Variants in PDE6A observed in about 807,000 individuals in gnomAD.
PDE6A encodes the protein rod cGMP-specific 3',5'-cyclic phosphodiesterase subunit alpha.
PDE6A carries 84 observed loss-of-function variants against 106.3 expected under a neutral mutation model. The observed-to-expected ratio is 0.79, with a 90% confidence interval of 0.66 to 0.95. The LOEUF is 0.95. PDE6A is among the 40% of genes least tolerant of loss of function. The pLI is 0.00. For synonymous variants in PDE6A, 394 were observed against 386.6 expected (o/e 1.02, Z -0.23); for missense variants, 1,052 against 1,084.9 (o/e 0.97, Z 0.43).
intron 17 of PDE6A, among the ~76,000 whole-genome samples, chr5:149,870,227 C>T (rs572123928): frequency 6.6e-6 from 1 of 152,226 alleles, no homozygotes; most frequent in South Asian, 2.1e-4. Flanking sequence ...AGTTTGAGGC[C>T]ACAGTGAGCT....
chr5:149,933,956 G>A lies in PDE6A; in HGVS notation c.691C>T (p.His231Tyr). ...IMKVYHLSYL[H>Y]NCETRRGQIL... Reference sequence around the variant, plus strand: ...TGGCCACGTCGAGTTTCACAGTTGTGCAGGTAACTCAGGTGGTACACCTTC... The same window carrying A: ...TGGCCACGTCGAGTTTCACAGTTGTACAGGTAACTCAGGTGGTACACCTTC... Residue 231 changes from histidine (H) to tyrosine (Y), a missense_variant, in exon 3 of 22, where the codon CAC (histidine) becomes TAC (tyrosine). This residue lies in a region of PDE6A where 913 missense variants were observed against 915.2 expected (regional missense o/e 1.00). Transcript: ENST00000255266. 1 of 1,613,700 alleles carries A rather than the reference G, an allele frequency of 6.2e-7. No homozygotes were observed. Among genetic ancestry groups the A allele is most frequent in the Non-Finnish European group, 8.5e-7 (1 of 1,179,622 alleles).
At position 149,895,276 on chromosome 5, in the gene PDE6A, G is replaced by A. The variant is rs2113582916; in HGVS notation, c.1635C>T (p.Phe545=). The A allele has an allele frequency of 1.9e-6, 3 of 1,612,802 alleles. No individual in the cohort carries two copies. Among genetic ancestry groups the A allele is most frequent in the Non-Finnish European group, 2.5e-6 (3 of 1,178,810 alleles). The change falls in exon 13 of 22, where the codon TTC becomes TTT. Residue 545 remains phenylalanine, a synonymous_variant. Transcript: ENST00000255266. ...FHIPQEALVR[F]MYSLSKGYRK... The stretch of plus-strand genomic sequence containing the variant: ...GGTAGCCCTTACTCAGGGAGTACAT[G>A]AACCGCACCAGGGCCTGTGAACACA...
intron 13 of PDE6A, 134 bp from the exon 14 acceptor site, chr5:149,886,508 G>A: frequency 1.4e-6 from 1 of 723,820 alleles, no homozygotes; most frequent in Admixed American, 2.0e-5. Context: ...CCTGGCTCCA[G>A]AGGCTGACCA....
chr5:149,860,974 G>A lies in PDE6A; in HGVS notation c.2507-3C>T. ...CCCCGGCTGATTTCCTGCGGCTGCTGCAATGAAACAGGAAAAAGAACACAC... is the reference window on the plus strand; with the variant it reads ...CCCCGGCTGATTTCCTGCGGCTGCTACAATGAAACAGGAAAAAGAACACAC... On this transcript the variant is annotated splice_region_variant and splice_polypyrimidine_tract_variant and intron_variant, in intron 21 of 21. Coordinates refer to ENST00000255266, the MANE Select transcript of PDE6A (RefSeq NM_000440.3). 6.2e-7 allele frequency: 1 copy of A among 1,613,772 alleles called. No individual in the cohort carries two copies. The highest frequency in any genetic ancestry group is 8.5e-7 in the Non-Finnish European group (1 of 1,179,792).
Position 149,944,400 on chromosome 5 carries a change from C to T in PDE6A, c.274G>A (p.Asp92Asn), listed in dbSNP as rs199924410. The change falls in exon 1 of 22, where the codon GAC becomes AAC. Residue 92 changes from aspartate (D) to asparagine (N), a missense_variant. This residue lies in a region of PDE6A where 913 missense variants were observed against 915.2 expected (regional missense o/e 1.00). Coordinates refer to ENST00000255266, the MANE Select transcript of PDE6A (RefSeq NM_000440.3). Reference protein sequence around the residue: ...MKKLCFLLQADRMSLFMYRTR... With the variant: ...MKKLCFLLQANRMSLFMYRTR... ...CGGTACATGAACAGGCTCATGCGGT[C>T]TGCCTGCAGGAGGAAGCACAGCTTC... 639 of 1,614,154 alleles carry T rather than the reference C, an allele frequency of 4.0e-4. 4 individuals carry two copies. The highest frequency in any genetic ancestry group is 3.3e-3 in the South Asian group (305 of 91,066).
chr5:149,902,600 C>T (rs369954897), intron 8 of PDE6A, among the ~76,000 whole-genome samples: 18 of 151,796 alleles, frequency 1.2e-4, no homozygotes, highest in African/African-American at 4.4e-4. Context: ...GTGGGTGGAT[C>T]ACCTGCGGTC....
chr5:149,911,497 C>G (rs573036448), intron 6 of PDE6A, among the ~76,000 whole-genome samples: 3 of 152,102 alleles, frequency 2.0e-5, no homozygotes, highest in Non-Finnish European at 2.9e-5. Context: ...GTAACTTTGT[C>G]TTTTGACTAT....
At chr5:149,939,593 G>A (rs533869763) in intron 1 of PDE6A, among the ~76,000 whole-genome samples, 5 of 152,218 alleles carry the variant, frequency 3.3e-5, no homozygotes, top group Middle Eastern at 3.4e-3. Flanking sequence ...GAGCCATTAC[G>A]GTGTGCCAAG....
At chr5:149,898,863 T>C (rs962667867) in intron 9 of PDE6A, among the ~76,000 whole-genome samples, 1 of 152,124 alleles carries the variant, frequency 6.6e-6, no homozygotes, top group African/African-American at 2.4e-5. Context: ...GTTAATTATT[T>C]TTTATTTTTT....
chr5:149,930,970 G>C, intron 4 of PDE6A, 58 bp downstream of exon 4: 1 of 1,557,290 alleles, frequency 6.4e-7, no homozygotes, highest in Non-Finnish European at 8.9e-7. Context: ...GACTCTAGCC[G>C]TCAGTCAGTG....
At chr5:149,878,626 C>T (rs1310051498) in intron 17 of PDE6A, among the ~76,000 whole-genome samples, 1 of 152,244 alleles carries the variant, frequency 6.6e-6, no homozygotes, top group Non-Finnish European at 1.5e-5. Context: ...CCTGTTTACA[C>T]TCCCGCATGG....
At chr5:149,889,742 C>T (rs897398304) in intron 13 of PDE6A, among the ~76,000 whole-genome samples, 1 of 151,856 alleles carries the variant, frequency 6.6e-6, no homozygotes, top group African/African-American at 2.4e-5. Context: ...ATCGTCTCTA[C>T]TAAAAGTACA....
At chr5:149,862,091 A>G (rs1447976195) in intron 21 of PDE6A, among the ~76,000 whole-genome samples, 1 of 152,178 alleles carries the variant, frequency 6.6e-6, no homozygotes, top group African/African-American at 2.4e-5. Flanking sequence ...TCCATGTGTA[A>G]GAGCCATGGG....
chr5:149,935,438 T>C (rs537199462), intron 1 of PDE6A, among the ~76,000 whole-genome samples: 2 of 152,286 alleles, frequency 1.3e-5, no homozygotes, highest in Non-Finnish European at 2.9e-5. Context: ...TCAGTAGATA[T>C]CCCCATTCTA....
chr5:149,881,898 C>CA (rs2113544753), intron 17 of PDE6A, among the ~76,000 whole-genome samples: 1 of 150,304 alleles, frequency 6.7e-6, no homozygotes, highest in East Asian at 1.9e-4. Context: ...ACCAAAATTA[C>CA]AAAAATTAGC....
intron 7 of PDE6A, among the ~76,000 whole-genome samples, chr5:149,906,263 C>T (rs189024472): frequency 5.6e-4 from 85 of 151,742 alleles, no homozygotes; most frequent in African/African-American, 1.9e-3. Context: ...TGGTGGTTCA[C>T]GCCTATAATC....
intron 3 of PDE6A, 57 bp downstream of exon 3, chr5:149,933,873 A>T: frequency 7.7e-7 from 1 of 1,293,484 alleles, no homozygotes; most frequent in Admixed American, 1.8e-5. Context: ...TCCTGACCAC[A>T]TCAATGCTTC....
chr5:149,913,097 T>A (rs1753436290), intron 6 of PDE6A, among the ~76,000 whole-genome samples: 1 of 152,158 alleles, frequency 6.6e-6, no homozygotes, highest in South Asian at 2.1e-4. Context: ...AATAAGGGAA[T>A]CAGGCTGGGT....
Position 149,896,411 on chromosome 5 carries a change from C to G in PDE6A, c.1565G>C (p.Gly522Ala). The change falls in exon 12 of 22, where the codon GGA (glycine) becomes GCA (alanine). Residue 522 changes from glycine to alanine, a missense_variant. Physicochemically the swap from Gly to Ala is moderately conservative, Grantham distance 60. Coordinates refer to ENST00000255266, the MANE Select transcript of PDE6A (RefSeq NM_000440.3). ...TTTGAGCTCATAATACATCTGTATT[C>G]CACATTTTACCAGCTCCAGTTCTGT... ...PLTELELVKCGIQMYYELKVV... is the reference protein window; with the variant it reads ...PLTELELVKCAIQMYYELKVV... 6.2e-7 allele frequency: 1 copy of G among 1,614,056 alleles called. No homozygotes were observed. Among genetic ancestry groups the G allele is most frequent in the Non-Finnish European group, 8.5e-7 (1 of 1,179,938 alleles).
Sources: gnomAD v4.1 joint callset for allele counts (sites outside exome capture counted in the v4.1 genomes callset) on GRCh38, gnomAD v4.1.1 for gene constraint, gnomAD v4.1.1 regional missense constraint, MANE v1.5 for transcripts, NCBI Gene and HGNC (gene_info 2026-07-23, HGNC 2026-07-21) for gene names.